SLFN12L: variants seen among roughly 807,000 people sequenced by gnomAD.
The protein encoded by SLFN12L is schlafen family member 12 like.
Under a neutral mutation model 34.8 loss-of-function variants are expected in SLFN12L, and 34 were observed. The observed-to-expected ratio is 0.98, with a 90% CI of 0.74 to 1.30. The LOEUF (loss-of-function observed/expected upper bound fraction) is 1.30, where lower values mean the gene tolerates loss of function less well. SLFN12L is among the 50% of genes most tolerant of loss of function. The pLI, the probability that SLFN12L is intolerant of heterozygous loss-of-function variation, is 0.00. For missense variants in SLFN12L, 703 were observed against 696.2 expected, an observed-to-expected ratio of 1.01 and a Z score of -0.11; for synonymous variants, 259 against 247.5, an observed-to-expected ratio of 1.05 and a Z score of -0.44.
intron 2 of SLFN12L, among the ~76,000 whole-genome samples, chr17:35,520,046 T>C (rs907795173): frequency 1.3e-5 from 2 of 152,194 alleles, no homozygotes; most frequent in African/African-American, 4.8e-5. Context: ...AAGTTGTAAA[T>C]AGGACCTAAA....
chr17:35,530,486 AAG>A (rs1445076971), intron 1 of SLFN12L, among the ~76,000 whole-genome samples: 1 of 53,922 alleles, frequency 1.9e-5, no homozygotes, highest in African/African-American at 5.6e-5. Flanking sequence ...GAAAGAAAGA[AAG>A]AAAGAAAGAA....
chr17:35,491,906 T>C (rs1054927597), intron 2 of SLFN12L, among the ~76,000 whole-genome samples: 1 of 152,228 alleles, frequency 6.6e-6, no homozygotes, highest in African/African-American at 2.4e-5. Context: ...TACAGAAGAC[T>C]AGTAGAGTTC....
intron 2 of SLFN12L, chr17:35,490,534 G>A (rs1229752447): frequency 3.5e-6 from 3 of 868,028 alleles, no homozygotes; most frequent in South Asian, 2.6e-5. Context: ...TAAAAATAAC[G>A]TCCAGTGGAT....
rs1438288288 is a variant in SLFN12L at position 35,530,435 on chromosome 17, G to A, written c.-606+7138C>T. On this transcript the variant is annotated intron_variant, in intron 1 of 4. Coordinates refer to ENST00000628453, the MANE Select transcript of SLFN12L (RefSeq NM_001363830.2). ...GAAGGAAGGAAGGAAGGAAGGGAAGGGAAGGGAAGAAAGAAAGAAAGAAAG... is the reference window on the plus strand; with the variant it reads ...GAAGGAAGGAAGGAAGGAAGGGAAGAGAAGGGAAGAAAGAAAGAAAGAAAG... Among the ~76,000 whole-genome samples the A allele has an allele frequency of 6.8e-3, 77 of 11,398 alleles. 12 individuals are homozygous for A. The highest frequency in any genetic ancestry group is 0.019 in the South Asian group (5 of 262). The allele number at this position is 11,398 out of a possible 152,430, so 7.5% of individuals were successfully genotyped here. A position where few individuals can be genotyped will look rare whatever the true frequency, so the allele number is the denominator to read the frequency against.
intron 2 of SLFN12L, among the ~76,000 whole-genome samples, chr17:35,494,210 A>C (rs968628316): frequency 3.4e-5 from 5 of 146,538 alleles, no homozygotes; most frequent in Non-Finnish European, 4.5e-5. Flanking sequence ...TTTAAAAAAG[A>C]AAATATGTAA....
chr17:35,504,903 T>G (rs1915417175), intron 2 of SLFN12L, among the ~76,000 whole-genome samples: 1 of 152,230 alleles, frequency 6.6e-6, no homozygotes, highest in Non-Finnish European at 1.5e-5. Flanking sequence ...CTGTGCCCAA[T>G]AACTGGAGTG....
intron 2 of SLFN12L, among the ~76,000 whole-genome samples, chr17:35,502,943 C>A (rs1412054120): frequency 6.6e-6 from 1 of 151,788 alleles, no homozygotes; most frequent in African/African-American, 2.4e-5. Context: ...AGTCAGACAG[C>A]TGAGGCATGT....
At chr17:35,513,387 A>G (rs181828982) in intron 2 of SLFN12L, among the ~76,000 whole-genome samples, 4 of 152,260 alleles carry the variant, frequency 2.6e-5, no homozygotes, top group Non-Finnish European at 5.9e-5. Context: ...AACAAGGTTA[A>G]TGACACTTAA....
At chr17:35,515,633 ATTTTTTTT>A (rs58481344) in intron 2 of SLFN12L, among the ~76,000 whole-genome samples, 10 of 78,110 alleles carry the variant, frequency 1.3e-4, no homozygotes, top group African/African-American at 2.9e-4. Flanking sequence ...ACGCCCGGCA[ATTTTTTTT>A]TTTTTTTTTT....
chr17:35,522,654 G>A lies in SLFN12L; in HGVS notation c.-290C>T. 14 of 1,614,052 alleles carry A rather than the reference G, an allele frequency of 8.7e-6. No homozygotes were observed. The South Asian group carries it at 1.5e-4, about 18-fold the overall frequency. On this transcript the variant is annotated 5_prime_UTR_variant, in exon 2 of 5. Coordinates refer to ENST00000628453, the MANE Select transcript of SLFN12L (RefSeq NM_001363830.2). Reference sequence around the variant, plus strand: ...CCTCTGCGCTGCTCTCAGGACTCAGGCAGAGGACCTTGGCCCTGACACACA... The same window carrying A: ...CCTCTGCGCTGCTCTCAGGACTCAGACAGAGGACCTTGGCCCTGACACACA...
chr17:35,530,538 AAAAG>A (rs1348792328), intron 1 of SLFN12L, among the ~76,000 whole-genome samples: 479 of 22,986 alleles, frequency 0.021, 28 homozygotes, highest in African/African-American at 0.041. Context: ...AAAAGAAAAG[AAAAG>A]AAAGAAAGAA....
Position 35,465,837 on chromosome 17 carries a change from T to C in SLFN12L, c.*9086A>G, listed in dbSNP as rs956285731. Among the ~76,000 whole-genome samples, 4 of 151,226 alleles carry C rather than the reference T, an allele frequency of 2.6e-5. No individual in the cohort carries two copies. The highest frequency in any genetic ancestry group is 9.7e-5 in the African/African-American group (4 of 41,066). ...TCTGTTCTTACAGACTTGGCTAATA[T>C]GTTCAATATGTTCAATTCCGTGCCT... On this transcript the variant is annotated 3_prime_UTR_variant, in exon 5 of 5. Coordinates refer to ENST00000628453, the MANE Select transcript of SLFN12L (RefSeq NM_001363830.2).
chr17:35,485,042 A>G (rs1214457142), intron 2 of SLFN12L, among the ~76,000 whole-genome samples: 2 of 152,212 alleles, frequency 1.3e-5, no homozygotes, highest in African/African-American at 2.4e-5. Flanking sequence ...GTACACTCTT[A>G]TAATCCTTTT....
At chr17:35,476,543 T>C (rs141694232) in intron 4 of SLFN12L, among the ~76,000 whole-genome samples, 4 of 150,640 alleles carry the variant, frequency 2.7e-5, no homozygotes, top group Non-Finnish European at 5.9e-5. Flanking sequence ...GGAGAAAATA[T>C]CAACTGATCA....
At chr17:35,530,424 A>AGGAAGGAAG (rs1555545929) in intron 1 of SLFN12L, among the ~76,000 whole-genome samples, 1 of 6,694 alleles carries the variant, frequency 1.5e-4, no homozygotes, top group Non-Finnish European at 4.2e-4. Flanking sequence ...GAAGGAAGGA[A>AGGAAGGAAG]GGAAGGGAAG....
At chr17:35,485,513 TGTTTA>T (rs1476286380) in intron 2 of SLFN12L, among the ~76,000 whole-genome samples, 2 of 152,232 alleles carry the variant, frequency 1.3e-5, no homozygotes, top group African/African-American at 4.8e-5. Flanking sequence ...GTGCAGACGC[TGTTTA>T]GTTAAGTCCC....
chr17:35,498,275 G>A (rs1019349976), intron 2 of SLFN12L: 2 of 788,044 alleles, frequency 2.5e-6, no homozygotes, highest in African/African-American at 1.7e-5. Context: ...TCAAACGCTG[G>A]CAGTACGTGG....
At position 35,474,693 on chromosome 17, in the gene SLFN12L, G is replaced by C. The variant is rs1023962100; in HGVS notation, c.*230C>G. The C allele has an allele frequency of 1.5e-3, 559 of 374,990 alleles. 7 individuals are homozygous for C. Among genetic ancestry groups the C allele is most frequent in the African/African-American group, 3.3e-3 (152 of 46,238 alleles). 23.2% of individuals were successfully genotyped at this position (374,990 alleles called of 1,614,324 possible). A position where few individuals can be genotyped will look rare whatever the true frequency, so the allele number is the denominator to read the frequency against. ...TCCTAGCACTTTGGGAGACCGGGGG[G>C]GGGGGTTGAATCACGAGGTCAGGAG... On this transcript the variant is annotated 3_prime_UTR_variant, in exon 5 of 5. Coordinates refer to ENST00000628453, the MANE Select transcript of SLFN12L (RefSeq NM_001363830.2).
intron 2 of SLFN12L, chr17:35,490,496 A>C: frequency 1.1e-6 from 1 of 935,314 alleles, no homozygotes; most frequent in Non-Finnish European, 1.8e-6. Context: ...AAAGCTCTGA[A>C]AGGCATCCAT....
Sources: gnomAD v4.1 joint callset for allele counts (sites outside exome capture counted in the v4.1 genomes callset) on GRCh38, gnomAD v4.1.1 for gene constraint, MANE v1.5 for transcripts, NCBI Gene and HGNC (gene_info 2026-07-23, HGNC 2026-07-21) for gene names.